Variants in LNX2 observed in about 807,000 individuals in gnomAD.
The protein encoded by LNX2 is ligand of Numb protein X 2.
In LNX2, 35 loss-of-function variants were observed where a neutral mutation model predicts 66.2. The ratio of observed to expected loss-of-function variants is 0.53; its 90% confidence interval spans 0.40 to 0.70. LNX2 has a LOEUF of 0.70. LNX2 is among the 30% of genes least tolerant of loss of function. LNX2 has a pLI of 0.00. For missense variants in LNX2, 791 were observed against 850.8 expected, an observed-to-expected ratio of 0.93 and a Z score of 0.87; for synonymous variants, 337 against 315.6, an observed-to-expected ratio of 1.07 and a Z score of -0.72.
At chr13:27,614,374 C>T (rs1197995549) in intron 1 of LNX2, among the ~76,000 whole-genome samples, 1 of 152,154 alleles carries the variant, frequency 6.6e-6, no homozygotes, top group Non-Finnish European at 1.5e-5. Flanking sequence ...GACCCACTGA[C>T]CACTCCTGTG....
At chr13:27,600,128 G>A (rs1324000907) in intron 1 of LNX2, among the ~76,000 whole-genome samples, 1 of 152,152 alleles carries the variant, frequency 6.6e-6, no homozygotes, top group Non-Finnish European at 1.5e-5. Flanking sequence ...TGCACCAGAG[G>A]ATAGGGTTAC....
At chr13:27,610,813 A>C (rs1955764408) in intron 1 of LNX2, among the ~76,000 whole-genome samples, 1 of 152,214 alleles carries the variant, frequency 6.6e-6, no homozygotes, top group Non-Finnish European at 1.5e-5. Flanking sequence ...ATGTGAACAG[A>C]CATTTCTCCA....
At chr13:27,586,523 C>A (rs1424080309) in intron 1 of LNX2, among the ~76,000 whole-genome samples, 1 of 152,188 alleles carries the variant, frequency 6.6e-6, no homozygotes, top group Non-Finnish European at 1.5e-5. Flanking sequence ...TAAGAGTGAG[C>A]CTCCCACAGG....
Position 27,550,428 on chromosome 13 carries a change from A to G in LNX2, c.1842T>C (p.Ser614=). The change falls in exon 9 of 10, where the codon AGT becomes AGC. Residue 614 remains serine, a synonymous_variant. Transcript: ENST00000316334. ...GGTTCTCTTCATATCCACCAACGATACTAAAGCCCCAACTTCCCAAGTAAC... is the reference window on the plus strand; with the variant it reads ...GGTTCTCTTCATATCCACCAACGATGCTAAAGCCCCAACTTCCCAAGTAAC... ...RRSYLGSWGF[S]IVGGYEENHT... The G allele has an allele frequency of 6.2e-7, 1 of 1,614,060 alleles. No individual in the cohort carries two copies. Among genetic ancestry groups the G allele is most frequent in the Non-Finnish European group, 8.5e-7 (1 of 1,179,920 alleles).
At chr13:27,555,491 G>T (rs1955046952) in intron 7 of LNX2, among the ~76,000 whole-genome samples, 1 of 152,190 alleles carries the variant, frequency 6.6e-6, no homozygotes, top group African/African-American at 2.4e-5. Context: ...CAGTTTTAAA[G>T]TCCAGTCTGT....
chr13:27,564,167 G>C (rs746883926), intron 4 of LNX2, among the ~76,000 whole-genome samples: 4 of 152,124 alleles, frequency 2.6e-5, no homozygotes, highest in Non-Finnish European at 5.9e-5. Flanking sequence ...CTAAAATCCA[G>C]CCATGTGTAA....
chr13:27,574,932 C>T (rs1955326545), intron 2 of LNX2, among the ~76,000 whole-genome samples: 1 of 152,098 alleles, frequency 6.6e-6, no homozygotes, highest in African/African-American at 2.4e-5. Flanking sequence ...GAAGGAGAGA[C>T]AGAGAAGGGG....
At chr13:27,587,856 C>T (rs1371046141) in intron 1 of LNX2, among the ~76,000 whole-genome samples, 1 of 151,948 alleles carries the variant, frequency 6.6e-6, no homozygotes, top group Non-Finnish European at 1.5e-5. Flanking sequence ...CCCATCTCTA[C>T]TAAAAATACA....
intron 1 of LNX2, among the ~76,000 whole-genome samples, chr13:27,615,323 C>A (rs1566135861): frequency 1.3e-5 from 2 of 152,164 alleles, no homozygotes; most frequent in Non-Finnish European, 2.9e-5. Flanking sequence ...TGAAGAGATG[C>A]ACAGGGCGAG....
intron 8 of LNX2, 21 bp from the exon 9 acceptor site, chr13:27,550,512 A>G: frequency 6.3e-7 from 1 of 1,584,356 alleles, no homozygotes; most frequent in South Asian, 1.2e-5. Flanking sequence ...ACAGAAAAAT[A>G]AAGAAAAAAT....
At chr13:27,551,859 C>A (rs1955011908) in intron 8 of LNX2, among the ~76,000 whole-genome samples, 1 of 152,140 alleles carries the variant, frequency 6.6e-6, no homozygotes, top group African/African-American at 2.4e-5. Flanking sequence ...TATACCCCAG[C>A]AAATCGCAGT....
At chr13:27,550,528 TG>T in intron 8 of LNX2, 37 bp from the exon 9 acceptor site, 1 of 1,547,538 alleles carries the variant, frequency 6.5e-7, no homozygotes, top group African/African-American at 1.4e-5. Context: ...AAAATTAACA[TG>T]GAGGCTTTTA....
chr13:27,563,772 T>C (rs1955170773), intron 4 of LNX2, among the ~76,000 whole-genome samples: 1 of 152,206 alleles, frequency 6.6e-6, no homozygotes, highest in Non-Finnish European at 1.5e-5. Context: ...GACTTTCCTC[T>C]TCCTATTGAC....
intron 1 of LNX2, among the ~76,000 whole-genome samples, chr13:27,602,484 T>G (rs1341739506): frequency 1.3e-5 from 2 of 152,186 alleles, no homozygotes; most frequent in African/African-American, 4.8e-5. Flanking sequence ...TATGTACTCT[T>G]TTGCATACAG....
chr13:27,604,362 C>T (rs767136072), intron 1 of LNX2, among the ~76,000 whole-genome samples: 66 of 152,264 alleles, frequency 4.3e-4, no homozygotes, highest in Admixed American at 2.0e-3. Context: ...CAGCAGTGCA[C>T]TCCATGCAAA....
chr13:27,592,686 C>T (rs1955556834), intron 1 of LNX2, among the ~76,000 whole-genome samples: 1 of 152,150 alleles, frequency 6.6e-6, no homozygotes, highest in Non-Finnish European at 1.5e-5. Context: ...TGATTCAGGA[C>T]TCCACCTTGG....
intron 1 of LNX2, among the ~76,000 whole-genome samples, chr13:27,594,703 A>T (rs1464438703): frequency 1.3e-5 from 2 of 152,118 alleles, no homozygotes; most frequent in Non-Finnish European, 2.9e-5. Context: ...CGCTTCCTCA[A>T]GGCACGCCTA....
chr13:27,583,230 G>GCCTCTCCAATATAAC (rs1212537692), intron 1 of LNX2, among the ~76,000 whole-genome samples: 1 of 24,088 alleles, frequency 4.2e-5, no homozygotes, highest in Non-Finnish European at 7.8e-5. Flanking sequence ...GTGTGTGTGT[G>GCCTCTCCAATATAAC]TGTGTGTGTG....
intron 1 of LNX2, among the ~76,000 whole-genome samples, chr13:27,587,838 A>G (rs771418788): frequency 4.8e-4 from 73 of 152,134 alleles, no homozygotes; most frequent in African/African-American, 9.6e-4. Flanking sequence ...TGGCTAACAC[A>G]GTGAAACCCC....
Sources: gnomAD v4.1 joint callset for allele counts (sites outside exome capture counted in the v4.1 genomes callset) on GRCh38, gnomAD v4.1.1 for gene constraint, MANE v1.5 for transcripts, NCBI Gene and HGNC (gene_info 2026-07-23, HGNC 2026-07-21) for gene names.